RIPK2: variants seen among roughly 807,000 people sequenced by gnomAD.
The protein encoded by RIPK2 is receptor-interacting serine/threonine-protein kinase 2.
A neutral mutation model predicts 60.9 loss-of-function variants in RIPK2; 38 were observed. That is an observed-to-expected ratio of 0.62 (90% CI 0.48 to 0.82). The LOEUF is 0.82. RIPK2 is among the 40% of genes least tolerant of loss of function. The pLI is 0.00. For missense variants in RIPK2, 518 were observed against 647.0 expected, an observed-to-expected ratio of 0.80 and a Z score of 2.16; for synonymous variants, 225 against 223.4, an observed-to-expected ratio of 1.01 and a Z score of -0.06.
At chr8:89,783,962 A>G (rs1809541125) in intron 7 of RIPK2, 88 bp from the exon 8 acceptor site, 1 of 682,922 alleles carries the variant, frequency 1.5e-6, no homozygotes, top group Non-Finnish European at 2.5e-6. Flanking sequence ...TTGTACAAAC[A>G]TATAAAATGT....
At chr8:89,776,777 A>C (rs1809403691) in intron 6 of RIPK2, among the ~76,000 whole-genome samples, 1 of 152,194 alleles carries the variant, frequency 6.6e-6, no homozygotes, top group Admixed American at 6.5e-5. Flanking sequence ...TGGGCCGTTA[A>C]TTTAGAGAAA....
At position 89,790,094 on chromosome 8, in the gene RIPK2, G is replaced by A. The variant is rs1389649563; in HGVS notation, c.1301G>A (p.Gly434Asp). 2.5e-6 allele frequency: 4 copies of A among 1,613,012 alleles called. No homozygotes were observed. Among genetic ancestry groups the A allele is most frequent in the East Asian group, 4.5e-5 (2 of 44,866 alleles). The change falls in exon 11 of 11, where the codon GGT becomes GAT. Residue 434 changes from glycine (G) to aspartate (D), a missense_variant. Coordinates refer to ENST00000220751, the MANE Select transcript of RIPK2 (RefSeq NM_003821.6). Reference protein sequence around the residue: ...TAGNSERLQPGIAQQWIQSKR... With the variant: ...TAGNSERLQPDIAQQWIQSKR... Reference sequence around the variant, plus strand: ...TCTTTTTCAGAACGTCTGCAGCCTGGTATAGCCCAGCAGTGGATCCAGAGC... The same window carrying A: ...TCTTTTTCAGAACGTCTGCAGCCTGATATAGCCCAGCAGTGGATCCAGAGC...
intron 8 of RIPK2, among the ~76,000 whole-genome samples, chr8:89,785,412 C>T (rs1809569944): frequency 6.6e-6 from 1 of 151,974 alleles, no homozygotes; most frequent in Admixed American, 6.6e-5. Context: ...CAAGATCGCA[C>T]CACTGCAGTC....
chr8:89,779,791 G>A (rs1455859583), intron 6 of RIPK2, among the ~76,000 whole-genome samples: 1 of 152,138 alleles, frequency 6.6e-6, no homozygotes, highest in Non-Finnish European at 1.5e-5. Context: ...GTTTCCAGGT[G>A]TATATCCAAC....
intron 3 of RIPK2, among the ~76,000 whole-genome samples, chr8:89,767,224 A>G (rs1020430301): frequency 6.6e-6 from 1 of 151,844 alleles, no homozygotes; most frequent in Non-Finnish European, 1.5e-5. Flanking sequence ...TTTCACAGCT[A>G]TACTATATCT....
At chr8:89,759,049 A>G (rs1435897423) in intron 1 of RIPK2, among the ~76,000 whole-genome samples, 1 of 152,198 alleles carries the variant, frequency 6.6e-6, no homozygotes, top group Non-Finnish European at 1.5e-5. Context: ...ATCAAACTCA[A>G]TACTAGCAGT....
At chr8:89,765,694 GAT>G (rs1451698378) in intron 3 of RIPK2, among the ~76,000 whole-genome samples, 198 bp downstream of exon 3, 3 of 151,536 alleles carry the variant, frequency 2.0e-5, no homozygotes, top group Admixed American at 1.3e-4. Context: ...CCTAGACAGA[GAT>G]AGAATTATGG....
chr8:89,787,610 AGAAGGTGAATGAAAGAAGTAAGAGCT>A (rs1423788680), intron 9 of RIPK2, among the ~76,000 whole-genome samples: 1 of 152,232 alleles, frequency 6.6e-6, no homozygotes, highest in Admixed American at 6.5e-5. Context: ...TAGCTAGTAA[AGAAGGTGAATGAAAGAAGTAAGAGCT>A]AAGTAGATTG....
In RIPK2 at chr8:89,758,100, C is replaced by T; in HGVS notation, c.40C>T (p.Pro14Ser). 1 of 1,608,034 alleles carries T rather than the reference C, an allele frequency of 6.2e-7. No individual in the cohort carries two copies. ...CATCTGCAGCGCCCTGCCCACCATT[C>T]CCTACCACAAACTCGCCGACCTGCG... ...EAICSALPTI[P>S]YHKLADLRYL... The change falls in exon 1 of 11, where the codon CCC becomes TCC. Residue 14 changes from proline to serine, a missense_variant. Physicochemically the swap from Pro to Ser is moderately conservative, Grantham distance 74 (BLOSUM62 -1). This residue lies in a region of RIPK2 where 448 missense variants were observed against 534.7 expected (regional missense o/e 0.84). Coordinates refer to ENST00000220751, the MANE Select transcript of RIPK2 (RefSeq NM_003821.6).
At chr8:89,760,202 T>C (rs1809121750) in intron 1 of RIPK2, among the ~76,000 whole-genome samples, 1 of 143,468 alleles carries the variant, frequency 7.0e-6, no homozygotes, top group Admixed American at 6.9e-5. Context: ...AGAACAATGT[T>C]TGCATTGTTC....
At chr8:89,759,226 T>G in intron 1 of RIPK2, 1 of 448,958 alleles carries the variant, frequency 2.2e-6, no homozygotes, top group Admixed American at 2.4e-5. Context: ...TAGCATTAGT[T>G]TCTGTTTTCA....
Position 89,768,457 on chromosome 8 carries a change from A to G in RIPK2, c.484-1315A>G, listed in dbSNP as rs370606587. 2.6e-5 allele frequency among the ~76,000 whole-genome samples: 4 copies of G among 151,852 alleles called. No individual in the cohort carries two copies. In the East Asian group the frequency reaches 7.7e-4, roughly 29 times the overall value. On this transcript the variant is annotated intron_variant, in intron 3 of 10. Coordinates refer to ENST00000220751, the MANE Select transcript of RIPK2 (RefSeq NM_003821.6). ...TGAATCAGAGCTGTATCACATGGCCATAAGAACCTTCATCTGGGTCAATAT... is the reference window on the plus strand; with the variant it reads ...TGAATCAGAGCTGTATCACATGGCCGTAAGAACCTTCATCTGGGTCAATAT...
Position 89,769,876 on chromosome 8 carries a change from A to G in RIPK2, c.588A>G (p.Glu196=), listed in dbSNP as rs1297882996. Residue 196 remains glutamate (E), a synonymous_variant, in exon 4 of 11, where the codon GAA becomes GAG. Coordinates refer to ENST00000220751, the MANE Select transcript of RIPK2 (RefSeq NM_003821.6). ...EGGTIIYMPP[E]NYEPGQKSRA... ...GGACAATTATCTATATGCCACCTGA[A>G]AACTATGAACCTGGACAAAAATCAA... 6.2e-7 allele frequency: 1 copy of G among 1,609,082 alleles called. No homozygotes were observed. Among genetic ancestry groups the G allele is most frequent in the East Asian group, 2.2e-5 (1 of 44,550 alleles).
chr8:89,789,552 A>T, intron 10 of RIPK2, 70 bp downstream of exon 10: 1 of 1,410,940 alleles, frequency 7.1e-7, no homozygotes, highest in Non-Finnish European at 9.7e-7. Context: ...CAGTGGATTT[A>T]CCATACAATG....
intron 1 of RIPK2, chr8:89,759,276 G>A (rs1000772473): frequency 4.4e-6 from 2 of 456,144 alleles, no homozygotes; most frequent in African/African-American, 4.0e-5. Flanking sequence ...CTGTGACTGT[G>A]TATTAGTCAA....
intron 3 of RIPK2, among the ~76,000 whole-genome samples, chr8:89,768,403 C>A (rs910712729): frequency 6.6e-6 from 1 of 151,652 alleles, no homozygotes; most frequent in Admixed American, 6.6e-5. Context: ...ATCTTTAAGT[C>A]ATGATTAAAT....
chr8:89,789,479 T>G lies in RIPK2; in HGVS notation c.1282T>G (p.Ser428Ala), dbSNP rs1220992692. The G allele has an allele frequency of 8.7e-6, 14 of 1,612,962 alleles. No homozygotes were observed. The East Asian group carries it at 3.1e-4, about 36-fold the overall frequency. ...IINPLSTAGN[S>A]ERLQPGIAQQ... ...AAATCCACTCTCAACTGCAGGAAAC[T>G]CAGGTAAATATTTACTGTGAAACAC... Residue 428 changes from serine (S) to alanine (A), a missense_variant, in exon 10 of 11, where the codon TCA (serine) becomes GCA (alanine). This residue lies in a region of RIPK2 where 448 missense variants were observed against 534.7 expected (regional missense o/e 0.84). Coordinates refer to ENST00000220751, the MANE Select transcript of RIPK2 (RefSeq NM_003821.6).
intron 1 of RIPK2, among the ~76,000 whole-genome samples, chr8:89,760,709 AAGTGG>A (rs1297171312): frequency 6.6e-6 from 1 of 152,230 alleles, no homozygotes; most frequent in Non-Finnish European, 1.5e-5. Context: ...CTCATTTATA[AAGTGG>A]AGCTAATGAA....
chr8:89,788,833 A>T (rs1327770626), intron 9 of RIPK2, among the ~76,000 whole-genome samples: 1 of 151,630 alleles, frequency 6.6e-6, no homozygotes, highest in African/African-American at 2.4e-5. Context: ...GCAGGGAGGG[A>T]GGAAGGAAGG....
Sources: gnomAD v4.1 joint callset for allele counts (sites outside exome capture counted in the v4.1 genomes callset) on GRCh38, gnomAD v4.1.1 for gene constraint, gnomAD v4.1.1 regional missense constraint, MANE v1.5 for transcripts, NCBI Gene and HGNC (gene_info 2026-07-23, HGNC 2026-07-21) for gene names.